The following DPP6 variants were observed in gnomAD, a reference collection of about 807,000 sequenced individuals.
The protein encoded by DPP6 is dipeptidyl peptidase like 6.
Under a neutral mutation model 122.6 loss-of-function variants are expected in DPP6, and 69 were observed. The ratio of observed to expected loss-of-function variants is 0.56; its 90% CI spans 0.46 to 0.69. DPP6 has a LOEUF of 0.69. Ranked by LOEUF, DPP6 falls within the 30% of genes least tolerant of loss-of-function variation. DPP6 has a pLI of 0.00. For missense variants in DPP6, 928 were observed against 1,116.9 expected (o/e 0.83, Z 2.41); for synonymous variants, 418 against 433.1 (o/e 0.97, Z 0.43).
In DPP6 at chr7:154,755,174, C is replaced by G. The variant is rs1843603499; in HGVS notation, c.884-14243C>G. ...AAAAAAAAAAAAAAAAGAAACTGAACACATGTCAGGAGCTGAATTTAAAAC... is the reference window on the plus strand; with the variant it reads ...AAAAAAAAAAAAAAAAGAAACTGAAGACATGTCAGGAGCTGAATTTAAAAC... On this transcript the variant is annotated intron_variant, in intron 8 of 25. Coordinates refer to ENST00000377770, the MANE Select transcript of DPP6 (RefSeq NM_130797.4). The surrounding 1 kb of genome is among the most constrained non-coding windows in gnomAD (Gnocchi z 4.7). Among the ~76,000 whole-genome samples, 2 of 145,220 alleles carry G rather than the reference C, an allele frequency of 1.4e-5. No homozygotes were observed.
Position 154,404,016 on chromosome 7 carries a change from G to A in DPP6, c.244-42198G>A, listed in dbSNP as rs115022. Among the ~76,000 whole-genome samples, 1,354 of 152,186 alleles carry A rather than the reference G, an allele frequency of 8.9e-3. 16 individuals carry two copies. The highest frequency in any genetic ancestry group is 0.03 in the African/African-American group (1,225 of 41,478). On this transcript the variant is annotated intron_variant, in intron 1 of 25. Transcript: ENST00000377770. The stretch of plus-strand genomic sequence containing the variant: ...GGCCACAGGAGGATATTGTATGGAT[G>A]TTATTTATTGTCCTTCACAAACACA...
intron 1 of DPP6, among the ~76,000 whole-genome samples, chr7:154,258,280 CAG>C (rs1379806213): frequency 6.6e-6 from 1 of 152,146 alleles, no homozygotes; most frequent in Non-Finnish European, 1.5e-5. Context: ...GTAAAACAAA[CAG>C]ATGTTAAATT....
chr7:154,865,065 A>T (rs1171751390), intron 17 of DPP6, among the ~76,000 whole-genome samples: 2 of 152,216 alleles, frequency 1.3e-5, no homozygotes, highest in Non-Finnish European at 2.9e-5. Context: ...ACCAGCTGTA[A>T]GAGGGTCTGT....
At chr7:154,646,041 A>AAAAAAAAAAAAAAG in intron 6 of DPP6, among the ~76,000 whole-genome samples, 2 of 150,476 alleles carry the variant, frequency 1.3e-5, no homozygotes, top group East Asian at 1.9e-4. Flanking sequence ...AAAAAAAAAA[A>AAAAAAAAAAAAAAG]AAAAGAAAAT....
chr7:153,962,452 A>G (rs1265634597), intron 1 of DPP6, among the ~76,000 whole-genome samples: 2 of 152,038 alleles, frequency 1.3e-5, no homozygotes, highest in Non-Finnish European at 1.5e-5. Context: ...TGAACTTTCA[A>G]TATTGACGTT....
chr7:154,440,698 G>A (rs1337996714), intron 1 of DPP6, among the ~76,000 whole-genome samples: 2 of 152,210 alleles, frequency 1.3e-5, no homozygotes, highest in East Asian at 1.9e-4. Flanking sequence ...TAGAAGAAGA[G>A]ATTGATTGGT....
At chr7:153,993,629 T>C (rs1273417998) in intron 1 of DPP6, among the ~76,000 whole-genome samples, 4 of 152,226 alleles carry the variant, frequency 2.6e-5, no homozygotes, top group Middle Eastern at 3.2e-3. Flanking sequence ...CTCATGCATG[T>C]GTAGATAACA....
At chr7:154,221,776 C>A (rs11979228) in intron 1 of DPP6, among the ~76,000 whole-genome samples, 4,783 of 152,194 alleles carry the variant, frequency 0.031, 231 homozygotes, top group African/African-American at 0.11. Flanking sequence ...TGCTATTAAC[C>A]TCTGCTGAAT....
chr7:154,104,594 T>C (rs1806007970), intron 1 of DPP6, among the ~76,000 whole-genome samples: 1 of 152,260 alleles, frequency 6.6e-6, no homozygotes, highest in Non-Finnish European at 1.5e-5. Flanking sequence ...TGTGGTATTT[T>C]CTCAGGGACC....
chr7:154,062,713 G>C (rs1460228526), intron 1 of DPP6, among the ~76,000 whole-genome samples: 1 of 67,136 alleles, frequency 1.5e-5, no homozygotes, highest in Non-Finnish European at 2.7e-5. Flanking sequence ...CTGGCTGTTG[G>C]TACCCCCATC....
intron 1 of DPP6, among the ~76,000 whole-genome samples, chr7:153,953,579 A>G (rs1802320632): frequency 6.6e-6 from 1 of 152,170 alleles, no homozygotes; most frequent in Non-Finnish European, 1.5e-5. Flanking sequence ...GGGCCTGGGC[A>G]AGTCGGTGAT....
chr7:154,784,963 A>G (rs552867664), intron 10 of DPP6, among the ~76,000 whole-genome samples: 1 of 152,246 alleles, frequency 6.6e-6, no homozygotes, highest in East Asian at 1.9e-4. Flanking sequence ...TTGAAAAAAA[A>G]TATCTTATTC....
chr7:154,772,994 G>A, intron 10 of DPP6, 52 bp downstream of exon 10: 2 of 1,490,884 alleles, frequency 1.3e-6, no homozygotes, highest in Non-Finnish European at 1.8e-6. Context: ...TAAGATGAAT[G>A]TTCAATGTGC....
At chr7:153,891,471 T>G (rs963458440) in intron 1 of DPP6, among the ~76,000 whole-genome samples, 14 of 152,216 alleles carry the variant, frequency 9.2e-5, no homozygotes, top group African/African-American at 3.4e-4. Flanking sequence ...AAAAATTATT[T>G]TTTTAAAAAT....
At chr7:154,660,021 A>C (rs1837516634) in intron 6 of DPP6, among the ~76,000 whole-genome samples, 1 of 152,248 alleles carries the variant, frequency 6.6e-6, no homozygotes, top group African/African-American at 2.4e-5. Flanking sequence ...ACTAGGATGC[A>C]AACTTTTGAT....
chr7:153,754,295 C>T, the DPP6 span, among the ~76,000 whole-genome samples: 1 of 152,058 alleles, frequency 6.6e-6, no homozygotes, highest in African/African-American at 2.4e-5. Context: ...TGATTTCATC[C>T]TTAAAGGATA....
chr7:154,389,415 C>G (rs777615358), intron 1 of DPP6, among the ~76,000 whole-genome samples: 13 of 151,268 alleles, frequency 8.6e-5, no homozygotes, highest in Non-Finnish European at 1.9e-4. Context: ...TTCATCAGCT[C>G]AACAAGTGCT....
chr7:154,635,830 T>G (rs1835697081), intron 5 of DPP6, among the ~76,000 whole-genome samples: 1 of 152,140 alleles, frequency 6.6e-6, no homozygotes, highest in Non-Finnish European at 1.5e-5. Flanking sequence ...TGGGGCTGCT[T>G]GAGTGTCCTC....
chr7:154,470,689 T>TA lies in DPP6; in HGVS notation c.359-4249dup, dbSNP rs368822183. ...ATCACTGCAGATTTCAGCATGCCTT[T>TA]ACATGCTGGTGAGCTAACCAGGCCA... is the stretch of plus-strand genomic sequence containing the variant. On this transcript the variant is annotated intron_variant, in intron 2 of 25. Transcript: ENST00000377770. 4.0e-3 allele frequency among the ~76,000 whole-genome samples: 603 copies of TA among 152,316 alleles called. 2 individuals are homozygous for TA. The highest frequency in any genetic ancestry group is 0.01 in the Middle Eastern group (3 of 294).
Sources: allele counts gnomAD v4.1 joint callset (sites outside exome capture counted in the v4.1 genomes callset), GRCh38; gene constraint gnomAD v4.1.1; non-coding constraint Gnocchi (gnomAD v3.1); transcripts MANE v1.5; gene names NCBI Gene and HGNC (gene_info 2026-07-23, HGNC 2026-07-21).